ANKH: variants seen among roughly 807,000 people sequenced by gnomAD.
The protein encoded by ANKH is mineralization regulator ANKH.
ANKH carries 15 observed loss-of-function variants against 49.0 expected under a neutral mutation model. The observed-to-expected ratio is 0.31, with a 90% CI of 0.20 to 0.47. The LOEUF is 0.47. Ranked by LOEUF, ANKH falls within the 20% of genes least tolerant of loss-of-function variation. ANKH has a pLI of 1.00. For synonymous variants in ANKH, 273 were observed against 260.0 expected (o/e 1.05, Z -0.48); for missense variants, 429 against 652.0 (o/e 0.66, Z 3.72).
chr5:14,746,404 C>T (rs56253535), intron 6 of ANKH, among the ~76,000 whole-genome samples: 2 of 151,206 alleles, frequency 1.3e-5, no homozygotes, highest in Admixed American at 6.6e-5. Context: ...TATAGGAAGT[C>T]GGAGCTGTCT....
chr5:14,733,395 A>G (rs1010087858), intron 8 of ANKH, among the ~76,000 whole-genome samples: 4 of 152,306 alleles, frequency 2.6e-5, no homozygotes, highest in Non-Finnish European at 4.4e-5. Flanking sequence ...GACCCTTTTG[A>G]GCAAAGACCA....
chr5:14,791,523 T>C (rs1198721929), intron 1 of ANKH, among the ~76,000 whole-genome samples: 3 of 152,106 alleles, frequency 2.0e-5, no homozygotes, highest in African/African-American at 7.2e-5. Flanking sequence ...TACAAATGGT[T>C]CCCTTGTTGT....
chr5:14,836,863 G>A (rs1285867337), intron 1 of ANKH, among the ~76,000 whole-genome samples: 4 of 151,910 alleles, frequency 2.6e-5, no homozygotes, highest in African/African-American at 9.7e-5. Context: ...ACCTGACTTC[G>A]AACTATACTA....
intron 1 of ANKH, among the ~76,000 whole-genome samples, chr5:14,826,535 T>A (rs1339624384): frequency 6.6e-6 from 1 of 152,220 alleles, no homozygotes; most frequent in Non-Finnish European, 1.5e-5. Context: ...TCATAAAGGC[T>A]ATGGTGGGAA....
In ANKH at chr5:14,871,511, AGGGGCGAC is replaced by A. The variant is rs139106733; in HGVS notation, c.-72_-65del. The A allele has an allele frequency of 0.41, 480,151 of 1,165,686 alleles. 109,650 individuals are homozygous for A. The highest frequency in any genetic ancestry group is 0.47 in the Admixed American group (21,729 of 46,280). The allele number at this position is 1,165,686 out of a possible 1,614,324, so 72.2% of individuals were successfully genotyped here. A position where few individuals can be genotyped will look rare whatever the true frequency, so the allele number is the denominator to read the frequency against. ...CGCGAGGGGACTCTGCGGGGAGGCG[AGGGGCGAC>A]GGGGCGACGGGGCGAGCGGGGCGCG... On this transcript the variant is annotated 5_prime_UTR_variant, in exon 1 of 12. Transcript: ENST00000284268.
intron 1 of ANKH, among the ~76,000 whole-genome samples, chr5:14,831,960 AC>A (rs1447458351): frequency 6.6e-6 from 1 of 152,186 alleles, no homozygotes; most frequent in Non-Finnish European, 1.5e-5. Context: ...CTTTGCTTTT[AC>A]CCTAAAATTT....
intron 1 of ANKH, among the ~76,000 whole-genome samples, chr5:14,777,084 C>T (rs1167744559): frequency 6.6e-6 from 1 of 152,114 alleles, no homozygotes; most frequent in Admixed American, 6.6e-5. Context: ...GAGTTTGAGA[C>T]CAGCCCGGCA....
chr5:14,718,377 A>G (rs2126419553), intron 8 of ANKH, among the ~76,000 whole-genome samples: 1 of 152,298 alleles, frequency 6.6e-6, no homozygotes, highest in Non-Finnish European at 1.5e-5. Context: ...AAAACTATGG[A>G]AAAAACTACA....
chr5:14,802,431 T>C (rs1334834218), intron 1 of ANKH, among the ~76,000 whole-genome samples: 1 of 152,180 alleles, frequency 6.6e-6, no homozygotes, highest in Non-Finnish European at 1.5e-5. Context: ...TGGAGTTTGC[T>C]GAATCCCTAT....
intron 1 of ANKH, among the ~76,000 whole-genome samples, chr5:14,833,994 T>C (rs1741584153): frequency 6.6e-6 from 1 of 152,190 alleles, no homozygotes. Context: ...CGTGCTGACC[T>C]GCATTCACCC....
intron 1 of ANKH, among the ~76,000 whole-genome samples, chr5:14,830,510 A>AGTGTGTGTGTGTGTGTGT (rs35379260): frequency 6.8e-6 from 1 of 147,292 alleles, no homozygotes; most frequent in Non-Finnish European, 1.5e-5. Context: ...AGGTAGGGGG[A>AGTGTGTGTGTGTGTGTGT]GTGTGTGTGT....
At chr5:14,756,718 C>A (rs1362759320) in intron 3 of ANKH, among the ~76,000 whole-genome samples, 1 of 152,084 alleles carries the variant, frequency 6.6e-6, no homozygotes, top group Non-Finnish European at 1.5e-5. Flanking sequence ...CTGAAAGCCA[C>A]CATACAATAA....
chr5:14,832,300 CTG>C (rs1741528024), intron 1 of ANKH, among the ~76,000 whole-genome samples: 2 of 152,304 alleles, frequency 1.3e-5, no homozygotes, highest in South Asian at 4.1e-4. Context: ...TTTATTGTCT[CTG>C]GGAATTCTGA....
At chr5:14,851,127 C>T (rs888104001) in intron 1 of ANKH, among the ~76,000 whole-genome samples, 1 of 152,192 alleles carries the variant, frequency 6.6e-6, no homozygotes, top group African/African-American at 2.4e-5. Context: ...GGAAGCCTCA[C>T]TCTCTGTTCC....
chr5:14,755,521 T>C (rs1738857840), intron 4 of ANKH, among the ~76,000 whole-genome samples: 1 of 152,204 alleles, frequency 6.6e-6, no homozygotes, highest in Admixed American at 6.5e-5. Flanking sequence ...CCCAGGCAAG[T>C]AAACAGTGAC....
chr5:14,799,564 A>G lies in ANKH; in HGVS notation c.97-30373T>C, dbSNP rs1225847131. Among the ~76,000 whole-genome samples, 8 of 152,332 alleles carry G rather than the reference A, an allele frequency of 5.3e-5. No individual in the cohort carries two copies. In the South Asian group the frequency reaches 1.7e-3, roughly 32 times the overall value. On this transcript the variant is annotated intron_variant, in intron 1 of 11. Coordinates refer to ENST00000284268, the MANE Select transcript of ANKH (RefSeq NM_054027.6). Reference sequence around the variant, plus strand: ...AAGCTGACGCCAATGCTCATTTACCATTCAGAAAGTCCTCAGGTCCTTAAG... The same window carrying G: ...AAGCTGACGCCAATGCTCATTTACCGTTCAGAAAGTCCTCAGGTCCTTAAG...
chr5:14,858,050 C>G (rs1735333176), intron 1 of ANKH, among the ~76,000 whole-genome samples: 1 of 152,214 alleles, frequency 6.6e-6, no homozygotes, highest in Non-Finnish European at 1.5e-5. Context: ...TGAACATTAA[C>G]TACAGATAAT....
At chr5:14,813,397 T>C (rs980007232) in intron 1 of ANKH, among the ~76,000 whole-genome samples, 1 of 152,170 alleles carries the variant, frequency 6.6e-6, no homozygotes, top group African/African-American at 2.4e-5. Context: ...TTAATGTGAA[T>C]TGTCATCTGA....
chr5:14,828,262 C>T (rs1214639451), intron 1 of ANKH, among the ~76,000 whole-genome samples: 6 of 152,100 alleles, frequency 3.9e-5, no homozygotes, highest in Admixed American at 3.3e-4. Context: ...GAGGCCGAGG[C>T]GGGCATATCA....
Sources: gnomAD v4.1 joint callset for allele counts (sites outside exome capture counted in the v4.1 genomes callset) on GRCh38, gnomAD v4.1.1 for gene constraint, MANE v1.5 for transcripts, NCBI Gene and HGNC (gene_info 2026-07-23, HGNC 2026-07-21) for gene names.